LMNA: variants seen among roughly 807,000 people sequenced by gnomAD.
The protein encoded by LMNA is lamin A/C, also known as lamin.
In LMNA, 20 loss-of-function variants were observed where a neutral mutation model predicts 70.4. That is an observed-to-expected ratio of 0.28 (90% CI 0.20 to 0.41). LMNA has a LOEUF of 0.41. LMNA is among the 10% of genes least tolerant of loss of function. The probability of loss-of-function intolerance (pLI) is 1.00; values close to 1 mark genes in which losing one functional copy is unlikely to be tolerated. For synonymous variants in LMNA, 339 were observed against 372.8 expected, an observed-to-expected ratio of 0.91 and a Z score of 1.04; for missense variants, 652 against 917.2, an observed-to-expected ratio of 0.71 and a Z score of 3.73.
At chr1:156,117,656 G>A (rs1008362866) in intron 1 of LMNA, among the ~76,000 whole-genome samples, 2 of 152,156 alleles carry the variant, frequency 1.3e-5, no homozygotes, top group Non-Finnish European at 2.9e-5. Flanking sequence ...AGCCTCCTGA[G>A]TAGCTGGGAC....
intron 1 of LMNA, among the ~76,000 whole-genome samples, chr1:156,128,783 T>G (rs908133579): frequency 1.3e-5 from 2 of 152,252 alleles, no homozygotes; most frequent in African/African-American, 4.8e-5. Context: ...AAGCTCCTTC[T>G]AGTTCTCTAA....
chr1:156,134,195 A>G lies in LMNA; in HGVS notation c.514-208A>G, dbSNP rs566985577. 6.6e-6 allele frequency among the ~76,000 whole-genome samples: 1 copy of G among 152,142 alleles called. No homozygotes were observed. The highest frequency in any genetic ancestry group is 1.9e-4 in the East Asian group (1 of 5,182). On this transcript the variant is annotated intron_variant, in intron 2 of 11. Transcript: ENST00000368300. This position sits in a 1 kb window ranked among gnomAD's most constrained non-coding sequence, Gnocchi z 5.3. ...CCATCATGCCTGGCTACTTTTTTGTATTAGATATATATTTTCTCTCTTAGC... is the reference window on the plus strand; with the variant it reads ...CCATCATGCCTGGCTACTTTTTTGTGTTAGATATATATTTTCTCTCTTAGC...
chr1:156,117,969 A>ATTTTTTTTTTTTT (rs1186679791), intron 1 of LMNA, among the ~76,000 whole-genome samples: 19 of 91,914 alleles, frequency 2.1e-4, no homozygotes, highest in Non-Finnish European at 2.4e-4. Flanking sequence ...CGCTTGGCTA[A>ATTTTTTTTTTTTT]TTTTTTTTTT....
At chr1:156,084,558 CTGGAGAGTGGGCTA>C (rs1378497649) in intron 2 of LMNA, among the ~76,000 whole-genome samples, 1 of 152,074 alleles carries the variant, frequency 6.6e-6, no homozygotes, top group Non-Finnish European at 1.5e-5. Context: ...AGACAGGGCC[CTGGAGAGTGGGCTA>C]TTTCTGCCTC....
chr1:156,129,307 G>A lies in LMNA; in HGVS notation c.357-1310G>A, dbSNP rs117238231. 5.5e-4 allele frequency among the ~76,000 whole-genome samples: 84 copies of A among 152,176 alleles called. No homozygotes were observed. The East Asian group carries it at 0.016, about 28-fold the overall frequency. ...CTCCCTGCCTGGTGGGGGGAGGTGGGGGTGACTCCTTTTTTGGACTCTCCT... is the reference window on the plus strand; with the variant it reads ...CTCCCTGCCTGGTGGGGGGAGGTGGAGGTGACTCCTTTTTTGGACTCTCCT... On this transcript the variant is annotated intron_variant, in intron 1 of 11. Transcript: ENST00000368300.
rs765005892 is a variant in LMNA, at chr1:156,135,154, A to G, written c.811-33A>G. 6.2e-7 allele frequency: 1 copy of G among 1,613,900 alleles called. No individual in the cohort carries two copies. The highest frequency in any genetic ancestry group is 1.7e-5 in the Admixed American group (1 of 60,016). Reference sequence around the variant, plus strand: ...GCCTGTGCCTCCACCCCTCCCAGTCACCACAGTCCTAACCCTTTGTCCTCC... The same window carrying G: ...GCCTGTGCCTCCACCCCTCCCAGTCGCCACAGTCCTAACCCTTTGTCCTCC... On this transcript the variant is annotated intron_variant, in intron 4 of 11. Coordinates refer to ENST00000368300, the MANE Select transcript of LMNA (RefSeq NM_170707.4). The surrounding 1 kb of genome is among the most constrained non-coding windows in gnomAD (Gnocchi z 4.8).
intron 1 of LMNA, among the ~76,000 whole-genome samples, chr1:156,127,794 C>A (rs1026357253): frequency 2.0e-5 from 3 of 151,662 alleles, no homozygotes; most frequent in Non-Finnish European, 4.4e-5. Flanking sequence ...TCAAGCAATT[C>A]TCGTGTCTCA....
At chr1:156,088,759 C>G (rs971742737) in intron 2 of LMNA, among the ~76,000 whole-genome samples, 2 of 152,224 alleles carry the variant, frequency 1.3e-5, no homozygotes. Flanking sequence ...AAGCAATTCT[C>G]CTGCCTCAGC....
intron 1 of LMNA, among the ~76,000 whole-genome samples, chr1:156,121,876 C>T (rs559754272): frequency 9.9e-5 from 15 of 152,206 alleles, no homozygotes; most frequent in African/African-American, 2.4e-4. Flanking sequence ...CAAGGCAAGC[C>T]GGGCGCAGTG....
chr1:156,124,354 T>C (rs943687952), intron 1 of LMNA, among the ~76,000 whole-genome samples: 1 of 152,010 alleles, frequency 6.6e-6, no homozygotes, highest in African/African-American at 2.4e-5. Flanking sequence ...AGTGGCGCGA[T>C]CTTGGCTCAC....
In LMNA at chr1:156,137,571, G is replaced by C; in HGVS notation, c.1609-83G>C. ...GGACAAAGGGCAGGCCACAAGAAAA[G>C]TTGCAGGTGGTCACTGGGGTAGACA... On this transcript the variant is annotated intron_variant, in intron 9 of 11. Coordinates refer to ENST00000368300, the MANE Select transcript of LMNA (RefSeq NM_170707.4). The surrounding 1 kb of genome is among the most constrained non-coding windows in gnomAD (Gnocchi z 4.6). The C allele has an allele frequency of 7.9e-7, 1 of 1,264,926 alleles. No individual in the cohort carries two copies. Among genetic ancestry groups the C allele is most frequent in the Non-Finnish European group, 1.1e-6 (1 of 891,592 alleles). The allele number at this position is 1,264,926 out of a possible 1,614,324, so 78.4% of individuals were successfully genotyped here.
At position 156,135,064 on chromosome 1, in the gene LMNA, C is replaced by T. The variant is rs1651431267; in HGVS notation, c.810+89C>T. The T allele has an allele frequency of 6.2e-7, 1 of 1,609,344 alleles. No homozygotes were observed. The highest frequency in any genetic ancestry group is 8.5e-7 in the Non-Finnish European group (1 of 1,176,326). On this transcript the variant is annotated intron_variant, in intron 4 of 11. Coordinates refer to ENST00000368300, the MANE Select transcript of LMNA (RefSeq NM_170707.4). This position sits in a 1 kb window ranked among gnomAD's most constrained non-coding sequence, Gnocchi z 4.8. ...TGGGCTATGCCTTCTGGGGATCAGG[C>T]AGATGGTGGCAGGGAGCTCAGGGTG...
intron 3 of LMNA, among the ~76,000 whole-genome samples, chr1:156,097,045 T>G (rs529807181): frequency 6.6e-6 from 1 of 152,158 alleles, no homozygotes; most frequent in Non-Finnish European, 1.5e-5. Context: ...CCTGAGAGGT[T>G]GGGGGTCCTG....
chr1:156,088,903 C>T (rs1648586241), intron 2 of LMNA, among the ~76,000 whole-genome samples: 1 of 152,244 alleles, frequency 6.6e-6, no homozygotes, highest in Non-Finnish European at 1.5e-5. Context: ...CCACCTGCCT[C>T]AGTCTCCCAA....
In LMNA at chr1:156,089,683, CTGT is replaced by C. The variant is rs1214990568; in HGVS notation, c.-318-781_-318-779del. ...GGGAGAGAGGTCACTGTGAGTCCTT[CTGT>C]TGTTGTGGATCTGATCTCCAAGGGC... On this transcript the variant is annotated intron_variant, in intron 2 of 12. Coordinates refer to the LMNA transcript ENST00000368301. Among the ~76,000 whole-genome samples the C allele has an allele frequency of 3.9e-5, 6 of 152,254 alleles. No individual in the cohort carries two copies. In the South Asian group the frequency reaches 8.3e-4, roughly 21 times the overall value.
intron 2 of LMNA, among the ~76,000 whole-genome samples, chr1:156,083,346 G>A (rs1648343200): frequency 6.6e-6 from 1 of 152,180 alleles, no homozygotes; most frequent in Non-Finnish European, 1.5e-5. Flanking sequence ...ACCGTTTGGG[G>A]TGAGGGCCTT....
upstream of LMNA, among the ~76,000 whole-genome samples, chr1:156,110,853 A>G (rs1343854502): frequency 2.0e-5 from 3 of 151,702 alleles, no homozygotes; most frequent in Non-Finnish European, 4.4e-5. Context: ...GTGGGTGCCT[A>G]TAATCCCAGC....
Position 156,114,888 on chromosome 1 carries a change from C to T in LMNA, c.-31C>T. ...CCCCGCGCCCTTTCCGGGACCCCTGCCCCGCGGGCAGCGCTGCCAACCTGC... is the reference window on the plus strand; with the variant it reads ...CCCCGCGCCCTTTCCGGGACCCCTGTCCCGCGGGCAGCGCTGCCAACCTGC... On this transcript the variant is annotated 5_prime_UTR_variant, in exon 1 of 12. Coordinates refer to ENST00000368300, the MANE Select transcript of LMNA (RefSeq NM_170707.4). 6.8e-7 allele frequency: 1 copy of T among 1,470,764 alleles called. No individual in the cohort carries two copies. The highest frequency in any genetic ancestry group is 9.1e-7 in the Non-Finnish European group (1 of 1,094,988). The allele number at this position is 1,470,764 out of a possible 1,614,324, so 91.1% of individuals were successfully genotyped here.
At position 156,126,191 on chromosome 1, in the gene LMNA, G is replaced by A. The variant is rs540937543; in HGVS notation, c.357-4426G>A. On this transcript the variant is annotated intron_variant, in intron 1 of 11. Coordinates refer to ENST00000368300, the MANE Select transcript of LMNA (RefSeq NM_170707.4). ...CTCTGCTCTTCTGCTCCCTTCCTGT[G>A]TGCTGCCTGGCAATGGGGAACTCTG... The A allele has an allele frequency of 2.0e-4, 303 of 1,528,128 alleles. 1 individual carries two copies. In the East Asian group the frequency reaches 2.3e-3, roughly 12 times the overall value. 94.7% of individuals were successfully genotyped at this position (1,528,128 alleles called of 1,614,324 possible). A position where few individuals can be genotyped will look rare whatever the true frequency, so the allele number is the denominator to read the frequency against.
Sources: gnomAD v4.1 joint callset for allele counts (sites outside exome capture counted in the v4.1 genomes callset) on GRCh38, gnomAD v4.1.1 for gene constraint, Gnocchi (gnomAD v3.1) non-coding constraint, MANE v1.5 for transcripts, NCBI Gene and HGNC (gene_info 2026-07-23, HGNC 2026-07-21) for gene names.